Variants in DOCK7 observed in about 807,000 individuals in gnomAD.
DOCK7 encodes dedicator of cytokinesis protein 7.
A neutral mutation model predicts 271.0 loss-of-function variants in DOCK7; 138 were observed. That is an observed-to-expected ratio of 0.51 (90% CI 0.44 to 0.59). The LOEUF (loss-of-function observed/expected upper bound fraction) is 0.59, where lower values mean the gene tolerates loss of function less well. Ranked by LOEUF, DOCK7 falls within the 20% of genes least tolerant of loss-of-function variation. DOCK7 has a pLI of 0.00. For synonymous variants in DOCK7, 823 were observed against 876.1 expected (o/e 0.94, Z 1.07); for missense variants, 2,066 against 2,592.4 (o/e 0.80, Z 4.41).
chr1:62,688,217 G>A lies in DOCK7; in HGVS notation c.38+10C>T, dbSNP rs1309604372. ...CGGCGGCGGCGGCGCGCCCCACGCC[G>A]GATATTTACCTGCTGATCTTCTGGG... On this transcript the variant is annotated intron_variant, in intron 1 of 49. Coordinates refer to ENST00000635253, the MANE Select transcript of DOCK7 (RefSeq NM_001367561.1). 7.2e-7 allele frequency: 1 copy of A among 1,379,504 alleles called. No individual in the cohort carries two copies. Among genetic ancestry groups the A allele is most frequent in the Non-Finnish European group, 9.5e-7 (1 of 1,054,400 alleles). The allele number at this position is 1,379,504 out of a possible 1,614,324, so 85.5% of individuals were successfully genotyped here.
rs1471199973 is a variant in DOCK7 at position 62,632,203 on chromosome 1, G to T, written c.1117-798C>A. Among the ~76,000 whole-genome samples the T allele has an allele frequency of 3.3e-5, 5 of 152,238 alleles. 1 individual carries two copies. The South Asian group carries it at 1.0e-3, about 32-fold the overall frequency. The stretch of plus-strand genomic sequence containing the variant: ...AAGATGAAACGATAACTAAATGATA[G>T]CACTATTACTATCTCTACTATACCC... On this transcript the variant is annotated intron_variant, in intron 10 of 49. Coordinates refer to ENST00000635253, the MANE Select transcript of DOCK7 (RefSeq NM_001367561.1).
intron 1 of DOCK7, among the ~76,000 whole-genome samples, chr1:62,681,191 A>G (rs1214340131): frequency 3.3e-5 from 5 of 152,066 alleles, no homozygotes; most frequent in Non-Finnish European, 4.4e-5. Context: ...TACACCATGG[A>G]ATACTATGCA....
intron 1 of DOCK7, among the ~76,000 whole-genome samples, chr1:62,670,180 G>A (rs1659801183): frequency 6.6e-6 from 1 of 152,284 alleles, no homozygotes; most frequent in African/African-American, 2.4e-5. Flanking sequence ...CACCCCCTCC[G>A]TGGGCTCCTT....
intron 11 of DOCK7, among the ~76,000 whole-genome samples, chr1:62,626,919 A>G (rs1313436864): frequency 6.6e-6 from 1 of 152,142 alleles, no homozygotes; most frequent in African/African-American, 2.4e-5. Context: ...TACCAAAACC[A>G]GACAGAGTCA....
chr1:62,535,679 A>C (rs773073353), intron 28 of DOCK7, 47 bp from the exon 29 acceptor site: 1 of 1,572,860 alleles, frequency 6.4e-7, no homozygotes. Flanking sequence ...AGTGCAACAA[A>C]GCATCCTACA....
intron 35 of DOCK7, 103 bp downstream of exon 35, chr1:62,507,859 A>G (rs1405276727): frequency 9.8e-7 from 1 of 1,022,986 alleles, no homozygotes; most frequent in East Asian, 2.8e-5. Flanking sequence ...AGGAACTACC[A>G]ATATTTAATA....
rs188707780 is a variant in DOCK7, at chr1:62,633,687, T to A, written c.1036-109A>T. ...ACATTAACAGAATGACAGAAAAAAA[T>A]ATATGACATCTCAATTGCTGTAGAA... On this transcript the variant is annotated intron_variant, in intron 9 of 49. Transcript: ENST00000635253. The A allele has an allele frequency of 4.2e-4, 301 of 713,990 alleles. No homozygotes were observed. The African/African-American group carries it at 4.9e-3, about 12-fold the overall frequency. 44.2% of individuals were successfully genotyped at this position (713,990 alleles called of 1,614,324 possible).
chr1:62,584,137 G>C (rs1647238241), intron 15 of DOCK7: 1 of 979,198 alleles, frequency 1.0e-6, no homozygotes, highest in Admixed American at 6.1e-5. Context: ...TTTATATAAA[G>C]AGATTAATTG....
At chr1:62,571,000 G>T (rs1389749050) in intron 18 of DOCK7, among the ~76,000 whole-genome samples, 1 of 152,114 alleles carries the variant, frequency 6.6e-6, no homozygotes, top group Non-Finnish European at 1.5e-5. Context: ...CACAAGCAAA[G>T]ATTTCATGAC....
At chr1:62,591,828 T>C (rs550429496) in intron 14 of DOCK7, among the ~76,000 whole-genome samples, 6 of 152,326 alleles carry the variant, frequency 3.9e-5, no homozygotes, top group Non-Finnish European at 1.5e-5. Flanking sequence ...AATTATCTTG[T>C]TCATTTATGT....
intron 31 of DOCK7, among the ~76,000 whole-genome samples, chr1:62,525,537 A>G (rs1644981372): frequency 6.6e-6 from 1 of 152,198 alleles, no homozygotes; most frequent in Non-Finnish European, 1.5e-5. Flanking sequence ...CACAAAAGAA[A>G]AGTTAAAAAA....
chr1:62,504,118 T>C (rs1646873135), intron 37 of DOCK7, among the ~76,000 whole-genome samples: 1 of 151,018 alleles, frequency 6.6e-6, no homozygotes, highest in African/African-American at 2.4e-5. Flanking sequence ...ATGACAACAT[T>C]ACTAAATATC....
At chr1:62,496,192 T>C in intron 38 of DOCK7, 147 bp downstream of exon 38, 1 of 796,038 alleles carries the variant, frequency 1.3e-6, no homozygotes. Context: ...AACAAAGAGA[T>C]TCAGTCCTAT....
intron 1 of DOCK7, among the ~76,000 whole-genome samples, chr1:62,683,977 C>T (rs947626814): frequency 1.8e-4 from 27 of 150,858 alleles, no homozygotes; most frequent in Non-Finnish European, 3.4e-4. Flanking sequence ...AGGTGGCTTA[C>T]GCCTGTAATC....
At chr1:62,520,355 G>A (rs1644808642) in intron 31 of DOCK7, among the ~76,000 whole-genome samples, 1 of 152,092 alleles carries the variant, frequency 6.6e-6, no homozygotes, top group Non-Finnish European at 1.5e-5. Context: ...CTATCCAACT[G>A]ACAAAGGGCT....
chr1:62,671,231 C>G (rs1039471003), intron 1 of DOCK7, among the ~76,000 whole-genome samples: 3 of 152,176 alleles, frequency 2.0e-5, no homozygotes, highest in Non-Finnish European at 4.4e-5. Flanking sequence ...TCAGTGAGAC[C>G]AAGAACCCAC....
At chr1:62,595,987 CT>C (rs1020381451) in intron 14 of DOCK7, among the ~76,000 whole-genome samples, 11 of 152,100 alleles carry the variant, frequency 7.2e-5, no homozygotes, top group African/African-American at 2.4e-4. Context: ...ATAATTTACA[CT>C]GAAATTTATT....
intron 7 of DOCK7, among the ~76,000 whole-genome samples, chr1:62,639,148 GT>G (rs1655660080): frequency 6.6e-6 from 1 of 151,854 alleles, no homozygotes; most frequent in Admixed American, 6.6e-5. Flanking sequence ...TTGATATCTG[GT>G]TGGGTTTTTT....
chr1:62,574,180 A>G (rs550749276), intron 18 of DOCK7, among the ~76,000 whole-genome samples: 2 of 152,296 alleles, frequency 1.3e-5, no homozygotes, highest in South Asian at 4.1e-4. Context: ...GATCTTTAAG[A>G]TTCATCACAC....
Sources: allele counts gnomAD v4.1 joint callset (sites outside exome capture counted in the v4.1 genomes callset), GRCh38; gene constraint gnomAD v4.1.1; transcripts MANE v1.5; gene names NCBI Gene and HGNC (gene_info 2026-07-23, HGNC 2026-07-21).